Variants in FPR1 observed in about 807,000 individuals in gnomAD.
FPR1 encodes formyl peptide receptor 1.
For synonymous variants in FPR1, 193 were observed against 176.7 expected (o/e 1.09, Z -0.73); for missense variants, 407 against 453.0 (o/e 0.90, Z 0.92).
rs199534146 is a variant in FPR1, at chr19:51,746,790, C to T, written c.205G>A (p.Val69Met). 5.6e-5 allele frequency: 91 copies of T among 1,614,140 alleles called. No homozygotes were observed. Among genetic ancestry groups the T allele is most frequent in the Admixed American group, 2.0e-4 (12 of 60,024 alleles). Reference protein sequence around the residue: ...VTTISYLNLAVADFCFTSTLP... With the variant: ...VTTISYLNLAMADFCFTSTLP... ...GTGGAGGTGAAACAGAAGTCAGCCA[C>T]GGCCAGGTTCAGGTAACTGATGGTG... is the stretch of plus-strand genomic sequence containing the variant. The change falls in exon 2 of 2, where the codon GTG (valine) becomes ATG (methionine). Residue 69 changes from valine (V) to methionine (M), a missense_variant. By Grantham distance (21) the Val-to-Met change is conservative (BLOSUM62 1). Coordinates refer to ENST00000304748, the MANE Select transcript of FPR1 (RefSeq NM_002029.4). This position sits in a 1 kb window ranked among gnomAD's most constrained non-coding sequence, Gnocchi z 4.3.
chr19:51,747,763 C>A (rs1212795706), intron 1 of FPR1, among the ~76,000 whole-genome samples: 38 of 152,076 alleles, frequency 2.5e-4, no homozygotes, highest in Admixed American at 2.5e-3. Flanking sequence ...GTTTATCCAC[C>A]CAATGGAATA....
chr19:51,746,466 T>C lies in FPR1; in HGVS notation c.529A>G (p.Thr177Ala), dbSNP rs1293457909. 2 of 1,614,004 alleles carry C rather than the reference T, an allele frequency of 1.2e-6. No individual in the cohort carries two copies. Among genetic ancestry groups the C allele is most frequent in the Non-Finnish European group, 1.7e-6 (2 of 1,180,038 alleles). ...VPGKTGTVAC[T>A]FNFSPWTNDP... Reference sequence around the variant, plus strand: ...TTGGTCCAGGGCGAAAAGTTAAAAGTGCAGGCTACTGTCCCCGTTTTACCA... The same window carrying C: ...TTGGTCCAGGGCGAAAAGTTAAAAGCGCAGGCTACTGTCCCCGTTTTACCA... The change falls in exon 2 of 2, where the codon ACT becomes GCT. Residue 177 changes from threonine (T) to alanine (A), a missense_variant. Thr to Ala is a moderately conservative substitution (Grantham distance 58). Transcript: ENST00000304748. The surrounding 1 kb of genome is among the most constrained non-coding windows in gnomAD (Gnocchi z 4.3).
rs889294894 is a variant in FPR1, at chr19:51,746,299, G to C, written c.696C>G (p.Gly232=). 1.9e-5 allele frequency: 30 copies of C among 1,614,072 alleles called. No individual in the cohort carries two copies. The African/African-American group carries it at 3.9e-4, about 21-fold the overall frequency. ...GTAAGGGACGACTGGACTTAATCAAGCCTTGCTTGTGGATCTTGGTGGCAA... is the reference window on the plus strand; with the variant it reads ...GTAAGGGACGACTGGACTTAATCAACCCTTGCTTGTGGATCTTGGTGGCAA... The part of the protein sequence containing the change: ...GLIATKIHKQ[G]LIKSSRPLRV... The change falls in exon 2 of 2, where the codon GGC becomes GGG. Residue 232 remains glycine, a synonymous_variant. Transcript: ENST00000304748. This position sits in a 1 kb window ranked among gnomAD's most constrained non-coding sequence, Gnocchi z 4.3.
chr19:51,749,272 T>C (rs2083766870), intron 1 of FPR1, among the ~76,000 whole-genome samples: 1 of 152,168 alleles, frequency 6.6e-6, no homozygotes. Flanking sequence ...CTCTCTCTCT[T>C]TAAGGTCATG....
chr19:51,747,664 A>T (rs1297103385), intron 1 of FPR1, among the ~76,000 whole-genome samples: 1 of 149,166 alleles, frequency 6.7e-6, no homozygotes, highest in East Asian at 2.0e-4. Context: ...TATTCAAACA[A>T]AAATGTTCAT....
At chr19:51,748,118 C>T (rs2083759596) in intron 1 of FPR1, among the ~76,000 whole-genome samples, 1 of 152,080 alleles carries the variant, frequency 6.6e-6, no homozygotes, top group Non-Finnish European at 1.5e-5. Flanking sequence ...TGAGCCACTG[C>T]ACTCCAGCCT....
chr19:51,747,015 T>C lies in FPR1; in HGVS notation c.-11-10A>G. Reference sequence around the variant, plus strand: ...TCCATCTTGTCTGCTCCTGAAATAGTGCAGTCGTGGTCATTCCTCAGTTAT... The same window carrying C: ...TCCATCTTGTCTGCTCCTGAAATAGCGCAGTCGTGGTCATTCCTCAGTTAT... On this transcript the variant is annotated splice_polypyrimidine_tract_variant and intron_variant, in intron 1 of 1. Coordinates refer to ENST00000304748, the MANE Select transcript of FPR1 (RefSeq NM_002029.4). The C allele has an allele frequency of 1.3e-6, 2 of 1,569,244 alleles. No homozygotes were observed. The highest frequency in any genetic ancestry group is 1.7e-6 in the Non-Finnish European group (2 of 1,146,300).
downstream of FPR1, chr19:51,745,726 C>A: frequency 1.9e-6 from 1 of 516,064 alleles, no homozygotes; most frequent in African/African-American, 1.9e-5. Flanking sequence ...CATTTCCCAC[C>A]CTGACCACCC....
At position 51,746,357 on chromosome 19, in the gene FPR1, G is replaced by C; in HGVS notation, c.638C>G (p.Pro213Arg). The change falls in exon 2 of 2, where the codon CCC becomes CGC. Residue 213 changes from proline to arginine, a missense_variant. Transcript: ENST00000304748. This position sits in a 1 kb window ranked among gnomAD's most constrained non-coding sequence, Gnocchi z 4.3. Reference sequence around the variant, plus strand: ...ATAACTGACAGCAACGATGGACATGGGTGCGCTGAAGCCAATGATGAACCG... The same window carrying C: ...ATAACTGACAGCAACGATGGACATGCGTGCGCTGAAGCCAATGATGAACCG... ...IIRFIIGFSAPMSIVAVSYGL... is the reference protein window; with the variant it reads ...IIRFIIGFSARMSIVAVSYGL... The C allele has an allele frequency of 6.2e-7, 1 of 1,614,152 alleles. No individual in the cohort carries two copies. The highest frequency in any genetic ancestry group is 8.5e-7 in the Non-Finnish European group (1 of 1,180,026).
Position 51,745,899 on chromosome 19 carries a change from G to A in FPR1, c.*43C>T, listed in dbSNP as rs748019295. 7.8e-6 allele frequency: 12 copies of A among 1,537,704 alleles called. No individual in the cohort carries two copies. Among genetic ancestry groups the A allele is most frequent in the African/African-American group, 5.5e-5 (4 of 73,112 alleles). The stretch of plus-strand genomic sequence containing the variant: ...GGCTCAGCCTAACTCAAGGTGAGAC[G>A]AAGCTGGAGCTGGGAGCTCGAAAGT... On this transcript the variant is annotated 3_prime_UTR_variant, in exon 2 of 2. Coordinates refer to ENST00000304748, the MANE Select transcript of FPR1 (RefSeq NM_002029.4).
At chr19:51,748,954 C>T (rs1460165219) in intron 1 of FPR1, among the ~76,000 whole-genome samples, 1 of 152,082 alleles carries the variant, frequency 6.6e-6, no homozygotes, top group African/African-American at 2.4e-5. Flanking sequence ...CAGTGGCTCA[C>T]GCCTGTAATC....
At chr19:51,750,381 T>C (rs1427724166) in intron 1 of FPR1, 1 of 152,204 alleles carries the variant, frequency 6.6e-6, no homozygotes, top group East Asian at 1.9e-4. Flanking sequence ...TAAGTTTAGG[T>C]TAGATATTTT....
intron 1 of FPR1, chr19:51,750,074 G>C (rs1261781228): frequency 1.3e-5 from 2 of 152,152 alleles, no homozygotes; most frequent in Non-Finnish European, 2.9e-5. Flanking sequence ...GTGCGACTTA[G>C]AGCATTTCAG....
rs371282377 is a variant in FPR1, at chr19:51,746,797, G to T, written c.198C>A (p.Asn66Lys). The T allele has an allele frequency of 4.3e-6, 7 of 1,614,162 alleles. No homozygotes were observed. Among genetic ancestry groups the T allele is most frequent in the African/African-American group, 1.3e-5 (1 of 75,030 alleles). ...THTVTTISYL[N>K]LAVADFCFTS... ...TGAAACAGAAGTCAGCCACGGCCAG[G>T]TTCAGGTAACTGATGGTGGTGACTG... is the stretch of plus-strand genomic sequence containing the variant. The change falls in exon 2 of 2, where the codon AAC becomes AAA. Residue 66 changes from asparagine (N) to lysine (K), a missense_variant. Coordinates refer to ENST00000304748, the MANE Select transcript of FPR1 (RefSeq NM_002029.4). The surrounding 1 kb of genome is among the most constrained non-coding windows in gnomAD (Gnocchi z 4.3).
At position 51,747,004 on chromosome 19, in the gene FPR1, T is replaced by G; in HGVS notation, c.-10A>C. 1 of 1,597,426 alleles carries G rather than the reference T, an allele frequency of 6.3e-7. No individual in the cohort carries two copies. Among genetic ancestry groups the G allele is most frequent in the African/African-American group, 1.3e-5 (1 of 74,670 alleles). On this transcript the variant is annotated splice_region_variant and 5_prime_UTR_variant, in exon 2 of 2. Transcript: ENST00000304748. Reference sequence around the variant, plus strand: ...AGGAATTTGTCTCCATCTTGTCTGCTCCTGAAATAGTGCAGTCGTGGTCAT... The same window carrying G: ...AGGAATTTGTCTCCATCTTGTCTGCGCCTGAAATAGTGCAGTCGTGGTCAT...
intron 1 of FPR1, among the ~76,000 whole-genome samples, chr19:51,749,048 C>T (rs1178358767): frequency 1.3e-5 from 2 of 152,028 alleles, no homozygotes; most frequent in Non-Finnish European, 2.9e-5. Context: ...AGCCCCATCT[C>T]TACTAAAAAT....
chr19:51,747,635 G>GATTCACGAATAC (rs56030269), intron 1 of FPR1, among the ~76,000 whole-genome samples: 1 of 151,920 alleles, frequency 6.6e-6, no homozygotes, highest in Admixed American at 6.6e-5. Context: ...TGGGGCCAAA[G>GATTCACGAATAC]ATGTATAGAG....
At position 51,745,962 on chromosome 19, in the gene FPR1, C is replaced by A. The variant is rs1251033801; in HGVS notation, c.1033G>T (p.Val345Leu). 6.2e-7 allele frequency: 1 copy of A among 1,611,396 alleles called. No homozygotes were observed. The highest frequency in any genetic ancestry group is 1.3e-5 in the African/African-American group (1 of 74,848). ...CCTCCTCACTTTGCCTGTAACTCCA[C>A]CTCTGCAGAAGGTAAAGTAGAATTG... ...ATNSTLPSAE[V>L]ELQAK Residue 345 changes from valine (V) to leucine (L), a missense_variant, in exon 2 of 2, where the codon GTG (valine) becomes TTG (leucine). Coordinates refer to ENST00000304748, the MANE Select transcript of FPR1 (RefSeq NM_002029.4).
chr19:51,750,353 G>T (rs1599809389), intron 1 of FPR1: 2 of 152,174 alleles, frequency 1.3e-5, no homozygotes, highest in East Asian at 1.9e-4. Flanking sequence ...ATGTTAAAAT[G>T]ATAATAATTT....
Sources: allele counts gnomAD v4.1 joint callset (sites outside exome capture counted in the v4.1 genomes callset), GRCh38; gene constraint gnomAD v4.1.1; non-coding constraint Gnocchi (gnomAD v3.1); transcripts MANE v1.5; gene names NCBI Gene and HGNC (gene_info 2026-07-23, HGNC 2026-07-21).